Variants in DLG1 observed in about 807,000 individuals in gnomAD.
DLG1 encodes disks large homolog 1.
In DLG1, 42 loss-of-function variants were observed where a neutral mutation model predicts 123.4. The observed-to-expected ratio is 0.34, with a 90% CI of 0.27 to 0.44. The LOEUF is 0.44. DLG1 is among the 20% of genes least tolerant of loss of function. The probability of loss-of-function intolerance (pLI) is 1.00; values close to 1 mark genes in which losing one functional copy is unlikely to be tolerated. For missense variants in DLG1, 942 were observed against 1,082.6 expected, an observed-to-expected ratio of 0.87 and a Z score of 1.82; for synonymous variants, 317 against 356.2, an observed-to-expected ratio of 0.89 and a Z score of 1.24.
chr3:197,298,196 G>A, intron 1 of DLG1: 1 of 274,262 alleles, frequency 3.6e-6, no homozygotes, highest in Non-Finnish European at 6.8e-6. Flanking sequence ...GAAGTGAGGA[G>A]GCGGCTCGCG....
intron 4 of DLG1, among the ~76,000 whole-genome samples, chr3:197,225,361 T>C (rs1455260893): frequency 6.6e-6 from 1 of 152,346 alleles, no homozygotes; most frequent in East Asian, 1.9e-4. Flanking sequence ...GTTTCATTTA[T>C]AGGAAATGAG....
At chr3:197,277,873 C>G (rs1430961123) in intron 4 of DLG1, among the ~76,000 whole-genome samples, 1 of 152,066 alleles carries the variant, frequency 6.6e-6, no homozygotes, top group Admixed American at 6.6e-5. Flanking sequence ...GTACCTTACA[C>G]CTGTAATCCC....
At chr3:197,140,325 GTCA>G in intron 7 of DLG1, 61 bp from the exon 8 acceptor site, 1 of 1,546,374 alleles carries the variant, frequency 6.5e-7, no homozygotes, top group South Asian at 1.2e-5. Flanking sequence ...ACAGGTTCCT[GTCA>G]TTAAAGGACG....
chr3:197,184,019 T>C, intron 5 of DLG1: 1 of 1,326,078 alleles, frequency 7.5e-7, no homozygotes, highest in Non-Finnish European at 9.6e-7. Flanking sequence ...AGCTGTATGA[T>C]GGCTGAGTTT....
At chr3:197,215,718 A>G (rs1218740872) in intron 4 of DLG1, among the ~76,000 whole-genome samples, 1 of 152,218 alleles carries the variant, frequency 6.6e-6, no homozygotes, top group Non-Finnish European at 1.5e-5. Context: ...TGGTTCAAAA[A>G]TATACAAAAT....
At chr3:197,136,308 C>A in intron 10 of DLG1, 1 of 443,776 alleles carries the variant, frequency 2.3e-6, no homozygotes, top group South Asian at 3.2e-5. Context: ...TGCATACAAG[C>A]CCTCAACAAC....
chr3:197,134,191 T>C (rs1784004635), intron 10 of DLG1, among the ~76,000 whole-genome samples: 1 of 152,100 alleles, frequency 6.6e-6, no homozygotes, highest in African/African-American at 2.4e-5. Flanking sequence ...AAGGATAAGT[T>C]AGAGAAACAT....
At chr3:197,077,053 T>C (rs1269723022) in intron 17 of DLG1, among the ~76,000 whole-genome samples, 1 of 152,200 alleles carries the variant, frequency 6.6e-6, no homozygotes. Context: ...AGTTATTTAA[T>C]GTTACTTTGC....
intron 12 of DLG1, 107 bp downstream of exon 12, chr3:197,119,303 T>A: frequency 1.1e-6 from 1 of 914,742 alleles, no homozygotes. Context: ...TCACTAACTG[T>A]CAATAAAATT....
chr3:197,096,156 G>GTAGATATTTATGTTTACA (rs1430346020), intron 14 of DLG1, among the ~76,000 whole-genome samples: 1 of 152,148 alleles, frequency 6.6e-6, no homozygotes, highest in Non-Finnish European at 1.5e-5. Context: ...ACACACTGAC[G>GTAGATATTTATGTTTACA]TAGATATTTA....
intron 4 of DLG1, among the ~76,000 whole-genome samples, chr3:197,270,390 G>A (rs538562455): frequency 1.3e-5 from 2 of 152,222 alleles, no homozygotes; most frequent in African/African-American, 4.8e-5. Context: ...GGGGAACTTA[G>A]CAACCTCTGG....
At chr3:197,163,524 ATTT>A (rs59011566) in intron 5 of DLG1, among the ~76,000 whole-genome samples, 4 of 140,430 alleles carry the variant, frequency 2.8e-5, no homozygotes, top group Admixed American at 1.4e-4. Context: ...AATGGGTATG[ATTT>A]TTTTTTTTTT....
chr3:197,273,305 T>C (rs1242911681), intron 4 of DLG1, among the ~76,000 whole-genome samples: 1 of 151,850 alleles, frequency 6.6e-6, no homozygotes, highest in Non-Finnish European at 1.5e-5. Context: ...TGGAAGACAG[T>C]GATGTGATCT....
At chr3:197,294,787 C>T (rs1355442971) in intron 3 of DLG1, among the ~76,000 whole-genome samples, 1 of 152,064 alleles carries the variant, frequency 6.6e-6, no homozygotes, top group Non-Finnish European at 1.5e-5. Context: ...CAAACCCATC[C>T]CCAATCTAGA....
chr3:197,249,243 C>CA (rs1303242187), intron 4 of DLG1, among the ~76,000 whole-genome samples: 4 of 151,352 alleles, frequency 2.6e-5, no homozygotes, highest in African/African-American at 7.3e-5. Context: ...CACAGAAATA[C>CA]AAAAAAATCA....
At chr3:197,200,931 G>T (rs150628489) in intron 4 of DLG1, among the ~76,000 whole-genome samples, 1 of 152,056 alleles carries the variant, frequency 6.6e-6, no homozygotes, top group Non-Finnish European at 1.5e-5. Context: ...GAACAATACC[G>T]GAATACCCAC....
At chr3:197,271,040 A>G (rs1763724932) in intron 4 of DLG1, among the ~76,000 whole-genome samples, 1 of 152,210 alleles carries the variant, frequency 6.6e-6, no homozygotes, top group African/African-American at 2.4e-5. Context: ...CTATTCTATC[A>G]GATTACAAAA....
chr3:197,263,098 G>C (rs1760168243), intron 4 of DLG1, among the ~76,000 whole-genome samples: 1 of 152,158 alleles, frequency 6.6e-6, no homozygotes, highest in South Asian at 2.1e-4. Context: ...CAATGGAAGT[G>C]ATATCTAAGT....
Position 197,209,787 on chromosome 3 carries a change from C to T in DLG1, c.319-15198G>A, listed in dbSNP as rs562716599. Among the ~76,000 whole-genome samples, 117 of 146,580 alleles carry T rather than the reference C, an allele frequency of 8.0e-4. 15 individuals are homozygous for T. Among genetic ancestry groups the T allele is most frequent in the Non-Finnish European group, 1.2e-3 (77 of 65,128 alleles). On this transcript the variant is annotated intron_variant, in intron 4 of 24. Transcript: ENST00000667157. ...GGTTCAAAGAACTCAAGAAGGAAAT[C>T]AGAAACAATTCAGAATGGAGTAATA...
Sources: gnomAD v4.1 joint callset for allele counts (sites outside exome capture counted in the v4.1 genomes callset) on GRCh38, gnomAD v4.1.1 for gene constraint, MANE v1.5 for transcripts, NCBI Gene and HGNC (gene_info 2026-07-23, HGNC 2026-07-21) for gene names.